Variants in ATP8B4 observed in about 807,000 individuals in gnomAD.
ATP8B4 encodes the protein ATPase phospholipid transporting 8B4 (putative).
Under a neutral mutation model 145.6 loss-of-function variants are expected in ATP8B4, and 133 were observed. The observed-to-expected ratio is 0.91, with a 90% CI of 0.79 to 1.05. The LOEUF is 1.05. Among genes scored for constraint, ATP8B4 ranks in the 50% least tolerant of loss-of-function variants. ATP8B4 has a pLI of 0.00. For missense variants in ATP8B4, 1,458 were observed against 1,425.2 expected (o/e 1.02, Z -0.37); for synonymous variants, 507 against 492.9 (o/e 1.03, Z -0.38).
chr15:49,929,274 C>A (rs1203071864), intron 16 of ATP8B4, among the ~76,000 whole-genome samples: 1 of 152,140 alleles, frequency 6.6e-6, no homozygotes, highest in Non-Finnish European at 1.5e-5. Flanking sequence ...TGGCAAGTTA[C>A]TTAAAATCTT....
chr15:49,874,129 C>T (rs988122709), intron 25 of ATP8B4, among the ~76,000 whole-genome samples: 3 of 152,126 alleles, frequency 2.0e-5, no homozygotes, highest in African/African-American at 7.2e-5. Flanking sequence ...GGGTATACAG[C>T]GATTAACAGA....
chr15:49,897,649 A>T (rs2037555629), intron 22 of ATP8B4, 134 bp from the exon 23 acceptor site: 1 of 730,498 alleles, frequency 1.4e-6, no homozygotes, highest in African/African-American at 1.8e-5. Flanking sequence ...TTATCTGATG[A>T]AACACTTATG....
At position 50,179,909 on chromosome 15, in the gene ATP8B4, C is replaced by G. The variant is rs530207574; in HGVS notation, c.-43+2352G>C. 2.6e-5 allele frequency among the ~76,000 whole-genome samples: 4 copies of G among 152,298 alleles called. No homozygotes were observed. In the South Asian group the frequency reaches 8.3e-4, roughly 32 times the overall value. On this transcript the variant is annotated intron_variant, in intron 1 of 3. Coordinates refer to the ATP8B4 transcript ENST00000558829. ...AACAGACTAAGACATCTATTAACCT[C>G]GTGATAAAGCAAGAGCTGGATCCCA...
intron 1 of ATP8B4, among the ~76,000 whole-genome samples, chr15:50,177,404 G>A (rs910393189): frequency 3.3e-5 from 5 of 152,200 alleles, no homozygotes; most frequent in African/African-American, 1.2e-4. Context: ...AGTTACGAAG[G>A]CAAAACTAAC....
rs144610012 is a variant in ATP8B4, at chr15:49,908,382, G to T, written c.2142-7143C>A. Reference sequence around the variant, plus strand: ...AGAGAAAATATTGGAGTTCAAGAGAGAAGTGACAGGAAACACCTAAAAGAA... The same window carrying T: ...AGAGAAAATATTGGAGTTCAAGAGATAAGTGACAGGAAACACCTAAAAGAA... On this transcript the variant is annotated intron_variant, in intron 20 of 27. Coordinates refer to ENST00000284509, the MANE Select transcript of ATP8B4 (RefSeq NM_024837.4). Among the ~76,000 whole-genome samples the T allele has an allele frequency of 8.9e-4, 135 of 152,280 alleles. 2 individuals carry two copies. In the East Asian group the frequency reaches 0.024, roughly 27 times the overall value.
At chr15:49,949,326 T>A (rs1567056263) in intron 14 of ATP8B4, among the ~76,000 whole-genome samples, 1 of 152,192 alleles carries the variant, frequency 6.6e-6, no homozygotes, top group Non-Finnish European at 1.5e-5. Flanking sequence ...CATTTGTTTG[T>A]GTTCTCTCTT....
At position 49,979,689 on chromosome 15, in the gene ATP8B4, AAC is replaced by A. The variant is rs2045986241; in HGVS notation, c.960_961del (p.Phe321LeufsTer60). ...TGACCAGAATGTTAAGAATCCGGAG[AAC>A]ACAGAGCTCTTCTCTCCTTCATTCC... On this transcript the variant is annotated frameshift_variant, in exon 12 of 28. Transcript: ENST00000284509. LOFTEE classifies it high-confidence loss of function. 6.2e-7 allele frequency: 1 copy of A among 1,607,768 alleles called. No homozygotes were observed. Among genetic ancestry groups the A allele is most frequent in the Non-Finnish European group, 8.5e-7 (1 of 1,175,408 alleles).
At chr15:50,053,242 A>G (rs934999662) in intron 3 of ATP8B4, among the ~76,000 whole-genome samples, 1 of 152,210 alleles carries the variant, frequency 6.6e-6, no homozygotes, top group Non-Finnish European at 1.5e-5. Context: ...CAAGGTTCAG[A>G]GAGATTAAGT....
intron 3 of ATP8B4, among the ~76,000 whole-genome samples, chr15:50,054,632 A>G (rs557254716): frequency 3.8e-4 from 57 of 151,782 alleles, no homozygotes; most frequent in Non-Finnish European, 5.4e-4. Context: ...AAATACAAAA[A>G]AATTGGCCGT....
intron 1 of ATP8B4, among the ~76,000 whole-genome samples, chr15:50,141,806 C>T (rs865853124): frequency 3.7e-4 from 57 of 152,080 alleles, no homozygotes; most frequent in Middle Eastern, 6.8e-3. Context: ...TTAAGAATTC[C>T]TTTCCTCAAC....
chr15:50,141,583 A>T (rs1328133010), intron 1 of ATP8B4, among the ~76,000 whole-genome samples: 2 of 152,162 alleles, frequency 1.3e-5, no homozygotes, highest in Non-Finnish European at 2.9e-5. Flanking sequence ...AAAGCTCACG[A>T]TCTTCCATGA....
intron 26 of ATP8B4, among the ~76,000 whole-genome samples, chr15:49,864,652 A>G (rs942059053): frequency 6.6e-6 from 1 of 152,162 alleles, no homozygotes; most frequent in Admixed American, 6.5e-5. Flanking sequence ...AGAATAATAG[A>G]ATCTTTTTTA....
intron 9 of ATP8B4, among the ~76,000 whole-genome samples, chr15:49,993,482 T>C (rs1435834752): frequency 6.6e-6 from 1 of 152,096 alleles, no homozygotes; most frequent in African/African-American, 2.4e-5. Context: ...AGAGCAATCG[T>C]GGGAAGGATT....
At chr15:50,040,837 C>T (rs959776832) in intron 5 of ATP8B4, among the ~76,000 whole-genome samples, 1 of 152,130 alleles carries the variant, frequency 6.6e-6, no homozygotes, top group African/African-American at 2.4e-5. Context: ...TATGAAGTCT[C>T]AGAGGGGAAC....
chr15:50,035,512 C>G (rs1236859254), intron 6 of ATP8B4, among the ~76,000 whole-genome samples: 2 of 152,194 alleles, frequency 1.3e-5, no homozygotes, highest in Non-Finnish European at 2.9e-5. Flanking sequence ...CTGGGCTAGT[C>G]ATCCCTTCTG....
chr15:49,933,828 A>G (rs552382948), intron 15 of ATP8B4, among the ~76,000 whole-genome samples, 189 bp downstream of exon 15: 1 of 152,202 alleles, frequency 6.6e-6, no homozygotes, highest in African/African-American at 2.4e-5. Flanking sequence ...CATATGGGAT[A>G]TAAACTATGT....
intron 7 of ATP8B4, among the ~76,000 whole-genome samples, chr15:50,009,922 T>C (rs2048600463): frequency 6.6e-6 from 1 of 152,200 alleles, no homozygotes; most frequent in Admixed American, 6.5e-5. Flanking sequence ...GTGAATGGCC[T>C]GTCTACTGAG....
intron 6 of ATP8B4, among the ~76,000 whole-genome samples, chr15:50,022,696 A>C (rs1239128125): frequency 6.6e-6 from 1 of 152,140 alleles, no homozygotes; most frequent in Non-Finnish European, 1.5e-5. Flanking sequence ...AAAATCCTCT[A>C]TTTCTAGACC....
chr15:49,953,382 C>T (rs2043273605), intron 14 of ATP8B4, among the ~76,000 whole-genome samples: 1 of 152,264 alleles, frequency 6.6e-6, no homozygotes, highest in African/African-American at 2.4e-5. Context: ...CAGGGAAAGC[C>T]AAATTCTATC....
Sources: allele counts gnomAD v4.1 joint callset (sites outside exome capture counted in the v4.1 genomes callset), GRCh38; gene constraint gnomAD v4.1.1; transcripts MANE v1.5; gene names NCBI Gene and HGNC (gene_info 2026-07-23, HGNC 2026-07-21).